The following PDSS2 variants were observed in gnomAD, a reference collection of about 807,000 sequenced individuals.
The protein encoded by PDSS2 is decaprenyl diphosphate synthase subunit 2, also known as all trans-polyprenyl-diphosphate synthase PDSS2.
A neutral mutation model predicts 44.5 loss-of-function variants in PDSS2; 31 were observed. That is an observed-to-expected ratio of 0.70 (90% CI 0.52 to 0.94). The LOEUF is 0.94. PDSS2 is among the 40% of genes least tolerant of loss of function. PDSS2 has a pLI of 0.00. For synonymous variants in PDSS2, 157 were observed against 180.3 expected (o/e 0.87, Z 1.03); for missense variants, 452 against 482.2 (o/e 0.94, Z 0.59).
intron 6 of PDSS2, among the ~76,000 whole-genome samples, chr6:107,204,176 C>T (rs1192346997): frequency 1.3e-5 from 2 of 152,024 alleles, no homozygotes; most frequent in African/African-American, 2.4e-5. Flanking sequence ...CTCCTGACCT[C>T]GTGATCCGCC....
intron 1 of PDSS2, among the ~76,000 whole-genome samples, chr6:107,432,403 A>G (rs1781218737): frequency 1.3e-5 from 2 of 152,188 alleles, no homozygotes; most frequent in Non-Finnish European, 2.9e-5. Flanking sequence ...GATGCATGAT[A>G]TTTCTCAATA....
intron 4 of PDSS2, among the ~76,000 whole-genome samples, chr6:107,241,344 C>CTTTTT (rs58623641): frequency 7.7e-5 from 6 of 77,976 alleles, no homozygotes; most frequent in Admixed American, 1.8e-4. Flanking sequence ...TCTTCTTCTT[C>CTTTTT]TTTTTTTTTT....
chr6:107,402,453 C>CACAT (rs1554276767), intron 1 of PDSS2, among the ~76,000 whole-genome samples: 454 of 6,532 alleles, frequency 0.07, 9 homozygotes, highest in Middle Eastern at 0.25. Context: ...CACACACACA[C>CACAT]ATATATATAC....
intron 2 of PDSS2, among the ~76,000 whole-genome samples, chr6:107,299,675 G>A (rs2115057235): frequency 6.6e-6 from 1 of 152,188 alleles, no homozygotes; most frequent in African/African-American, 2.4e-5. Flanking sequence ...ATATATTAAT[G>A]CCCCATTGTA....
chr6:107,288,753 GTTTTTTTTTTTT>G (rs35762837), intron 2 of PDSS2, among the ~76,000 whole-genome samples: 3 of 72,742 alleles, frequency 4.1e-5, no homozygotes, highest in South Asian at 5.7e-4. Flanking sequence ...GGACGAAATT[GTTTTTTTTTTTT>G]TTTTTTTTTT....
chr6:107,324,653 T>G (rs962778625), intron 2 of PDSS2, among the ~76,000 whole-genome samples: 8 of 152,276 alleles, frequency 5.3e-5, no homozygotes, highest in Middle Eastern at 6.8e-3. Flanking sequence ...TTCCAGACTC[T>G]TTGTTTGCAT....
chr6:107,227,367 C>A (rs1483381129), intron 4 of PDSS2, among the ~76,000 whole-genome samples: 1 of 147,372 alleles, frequency 6.8e-6, no homozygotes. Context: ...TGGCTCACTG[C>A]AACCTCCGCC....
chr6:107,385,372 T>C (rs939573656), intron 1 of PDSS2, among the ~76,000 whole-genome samples: 1 of 151,900 alleles, frequency 6.6e-6, no homozygotes, highest in Non-Finnish European at 1.5e-5. Flanking sequence ...AAAACCTCTA[T>C]AGCAGAGTTA....
chr6:107,288,526 CTT>C (rs1300570413), intron 2 of PDSS2, among the ~76,000 whole-genome samples: 1 of 152,030 alleles, frequency 6.6e-6, no homozygotes, highest in Non-Finnish European at 1.5e-5. Context: ...TTTTAATAGA[CTT>C]TTTTATTTTT....
chr6:107,258,850 A>G (rs556843713), intron 3 of PDSS2, among the ~76,000 whole-genome samples: 4 of 152,334 alleles, frequency 2.6e-5, no homozygotes, highest in Admixed American at 2.6e-4. Flanking sequence ...GTATTGAAAT[A>G]TGTATTCCAA....
chr6:107,176,786 T>C (rs1431598185), intron 7 of PDSS2, among the ~76,000 whole-genome samples: 1 of 152,210 alleles, frequency 6.6e-6, no homozygotes, highest in Non-Finnish European at 1.5e-5. Context: ...TACATTTATA[T>C]GATATAAAAT....
intron 3 of PDSS2, among the ~76,000 whole-genome samples, chr6:107,269,936 G>T (rs1775541326): frequency 6.6e-6 from 1 of 152,096 alleles, no homozygotes; most frequent in South Asian, 2.1e-4. Flanking sequence ...CAAAGTGCTG[G>T]AAATACAGGC....
intron 3 of PDSS2, among the ~76,000 whole-genome samples, chr6:107,250,927 C>A: frequency 6.6e-6 from 1 of 152,100 alleles, no homozygotes; most frequent in East Asian, 1.9e-4. Context: ...ACAATCTCAG[C>A]TCACTGCAAC....
intron 4 of PDSS2, among the ~76,000 whole-genome samples, chr6:107,218,769 T>C: frequency 6.6e-6 from 1 of 152,180 alleles, no homozygotes; most frequent in East Asian, 1.9e-4. Flanking sequence ...GAAATAATTC[T>C]CCTTTAGGCT....
chr6:107,322,045 T>C (rs1473975187), intron 2 of PDSS2, among the ~76,000 whole-genome samples: 1 of 152,150 alleles, frequency 6.6e-6, no homozygotes, highest in Non-Finnish European at 1.5e-5. Flanking sequence ...TCATATTAGA[T>C]CAACCTACAC....
intron 4 of PDSS2, among the ~76,000 whole-genome samples, chr6:107,235,655 A>G (rs1193070922): frequency 2.0e-5 from 3 of 152,202 alleles, no homozygotes; most frequent in African/African-American, 4.8e-5. Context: ...CTGGCACCCA[A>G]CCAAAAATAA....
intron 7 of PDSS2, among the ~76,000 whole-genome samples, chr6:107,185,394 AAAG>A (rs1324415163): frequency 1.3e-5 from 2 of 152,204 alleles, no homozygotes; most frequent in African/African-American, 2.4e-5. Context: ...CAATTATTAA[AAAG>A]AAACTGGGAA....
chr6:107,270,578 C>T (rs772233370), intron 3 of PDSS2, among the ~76,000 whole-genome samples: 3 of 152,204 alleles, frequency 2.0e-5, no homozygotes, highest in South Asian at 2.1e-4. Context: ...ACTTTTGGTG[C>T]TTGTTTAGAT....
chr6:107,290,247 G>A (rs547536284), intron 2 of PDSS2, among the ~76,000 whole-genome samples: 1 of 152,298 alleles, frequency 6.6e-6, no homozygotes, highest in South Asian at 2.1e-4. Context: ...TGAACTCTAA[G>A]GTGACAACAG....
Sources: gnomAD v4.1 joint callset for allele counts (sites outside exome capture counted in the v4.1 genomes callset) on GRCh38, gnomAD v4.1.1 for gene constraint, MANE v1.5 for transcripts, NCBI Gene and HGNC (gene_info 2026-07-23, HGNC 2026-07-21) for gene names.